IPO13: variants seen among roughly 807,000 people sequenced by gnomAD.
The protein encoded by IPO13 is importin 13, also known as importin-13.
A neutral mutation model predicts 115.5 loss-of-function variants in IPO13; 28 were observed. That is an observed-to-expected ratio of 0.24 (90% CI 0.18 to 0.33). The LOEUF (loss-of-function observed/expected upper bound fraction) is 0.33, where lower values mean the gene tolerates loss of function less well. IPO13 is among the 10% of genes least tolerant of loss of function. The probability of loss-of-function intolerance (pLI) is 1.00; values close to 1 mark genes in which losing one functional copy is unlikely to be tolerated. For missense variants in IPO13, 785 were observed against 1,204.6 expected, an observed-to-expected ratio of 0.65 and a Z score of 5.16; for synonymous variants, 414 against 478.9, an observed-to-expected ratio of 0.86 and a Z score of 1.77.
Position 43,967,705 on chromosome 1 carries a change from C to T in IPO13, c.*23C>T. The T allele has an allele frequency of 2.5e-6, 4 of 1,599,206 alleles. No individual in the cohort carries two copies. The South Asian group carries it at 4.4e-5, about 18-fold the overall frequency. Reference sequence around the variant, plus strand: ...TGAGGGGTGCCCCCATCCCATCCACCCCTTCTCTTCATCCTTCCCTATTCC... The same window carrying T: ...TGAGGGGTGCCCCCATCCCATCCACTCCTTCTCTTCATCCTTCCCTATTCC... On this transcript the variant is annotated 3_prime_UTR_variant, in exon 20 of 20. Transcript: ENST00000372343. The surrounding 1 kb of genome is among the most constrained non-coding windows in gnomAD (Gnocchi z 6.1).
rs369792831 is a variant in IPO13 at position 43,966,993 on chromosome 1, C to T, written c.2587C>T (p.Arg863Cys). Reference sequence around the variant, plus strand: ...GGGAAAGGTGGTACAGGAAGACGGTCGTATGCTGCTCATAGCAGTGCTGGA... The same window carrying T: ...GGGAAAGGTGGTACAGGAAGACGGTTGTATGCTGCTCATAGCAGTGCTGGA... ...SVGKVVQEDGRMLLIAVLEAI... is the reference protein window; with the variant it reads ...SVGKVVQEDGCMLLIAVLEAI... The change falls in exon 18 of 20, where the codon CGT (arginine) becomes TGT (cysteine). Residue 863 changes from arginine to cysteine, a missense_variant. This residue lies in a region of IPO13 where 285 missense variants were observed against 394.8 expected (regional missense o/e 0.72). Transcript: ENST00000372343. The surrounding 1 kb of genome is among the most constrained non-coding windows in gnomAD (Gnocchi z 4.1). 304 of 1,613,642 alleles carry T rather than the reference C, an allele frequency of 1.9e-4. No homozygotes were observed. Among genetic ancestry groups the T allele is most frequent in the South Asian group, 4.3e-4 (39 of 91,038 alleles).
intron 2 of IPO13, among the ~76,000 whole-genome samples, chr1:43,951,373 G>T (rs2085207848): frequency 6.6e-6 from 1 of 152,294 alleles, no homozygotes; most frequent in Non-Finnish European, 1.5e-5. Context: ...GAGTCTGAGG[G>T]CTGTGAAAGG....
At chr1:43,948,088 T>C (rs992638865) in intron 1 of IPO13, among the ~76,000 whole-genome samples, 2 of 152,332 alleles carry the variant, frequency 1.3e-5, no homozygotes, top group Admixed American at 1.3e-4. Flanking sequence ...AGCCAAGGGC[T>C]CAGAAAATAA....
intron 14 of IPO13, 37 bp from the exon 15 acceptor site, chr1:43,964,232 T>C (rs376697960): frequency 8.8e-6 from 13 of 1,477,520 alleles, no homozygotes; most frequent in Non-Finnish European, 9.4e-6. Context: ...GCTGTTTGTA[T>C]AATTTTTTCT....
intron 1 of IPO13, among the ~76,000 whole-genome samples, chr1:43,948,696 G>T (rs1001350474): frequency 2.0e-5 from 3 of 152,204 alleles, no homozygotes; most frequent in Admixed American, 1.3e-4. Flanking sequence ...TGTGCTATTG[G>T]GAGATAAATC....
chr1:43,953,918 G>C (rs747596061), intron 2 of IPO13, among the ~76,000 whole-genome samples: 2 of 152,198 alleles, frequency 1.3e-5, no homozygotes, highest in African/African-American at 2.4e-5. Context: ...TTAAGGGGCA[G>C]TTTCAACCTG....
intron 2 of IPO13, 58 bp downstream of exon 2, chr1:43,950,211 C>T (rs1571761991): frequency 6.5e-7 from 1 of 1,537,302 alleles, no homozygotes; most frequent in East Asian, 2.3e-5. Flanking sequence ...CACATCCATC[C>T]ATCCATCTGT....
Position 43,956,457 on chromosome 1 carries a change from C to T in IPO13, c.959C>T (p.Ser320Phe), listed in dbSNP as rs2085248972. 6.2e-7 allele frequency: 1 copy of T among 1,614,050 alleles called. No individual in the cohort carries two copies. Among genetic ancestry groups the T allele is most frequent in the Non-Finnish European group, 8.5e-7 (1 of 1,180,028 alleles). ...RIAVALGENH[S>F]RALLDQVEHW... Reference sequence around the variant, plus strand: ...GCTGTGGCCCTGGGCGAGAACCACTCCCGGTAAAGGGTGGAGCAGCTTGGG... The same window carrying T: ...GCTGTGGCCCTGGGCGAGAACCACTTCCGGTAAAGGGTGGAGCAGCTTGGG... The change falls in exon 3 of 20, where the codon TCC (serine) becomes TTC (phenylalanine). Residue 320 changes from serine (S) to phenylalanine (F), a missense_variant. Ser to Phe is a radical substitution (Grantham distance 155). Coordinates refer to ENST00000372343, the MANE Select transcript of IPO13 (RefSeq NM_014652.4). The surrounding 1 kb of genome is among the most constrained non-coding windows in gnomAD (Gnocchi z 4.7).
rs906780992 is a variant in IPO13 at position 43,958,542 on chromosome 1, C to T, written c.1831C>T (p.His611Tyr). The change falls in exon 10 of 20, where the codon CAC (histidine) becomes TAC (tyrosine). Residue 611 changes from histidine to tyrosine, a missense_variant. This residue lies in a region of IPO13 where 175 missense variants were observed against 360.0 expected (regional missense o/e 0.49). Coordinates refer to ENST00000372343, the MANE Select transcript of IPO13 (RefSeq NM_014652.4). The surrounding 1 kb of genome is among the most constrained non-coding windows in gnomAD (Gnocchi z 6.3). ...AGTGGAGGAGATCCTTAAGAACCTG[C>T]ACTCGCTTATCTCACCCTATATCCA... ...LQVEEILKNL[H>Y]SLISPYIQQL... 5.0e-6 allele frequency: 8 copies of T among 1,614,140 alleles called. No individual in the cohort carries two copies. The highest frequency in any genetic ancestry group is 1.7e-4 in the Middle Eastern group (1 of 6,056).
At position 43,960,984 on chromosome 1, in the gene IPO13, C is replaced by T; in HGVS notation, c.2218C>T (p.Gln740Ter). ...GGGTCGGATGTACAGCACCATCCCC[C>T]AGGCCTCTGCTCTTGACCTCACTCG... ...MLGRMYSTIP[Q>*]ASALDLTRQL... Residue 740 changes from glutamine to a stop codon, truncating the protein, a stop_gained, in exon 13 of 20, where the codon CAG becomes TAG. Coordinates refer to ENST00000372343, the MANE Select transcript of IPO13 (RefSeq NM_014652.4). LOFTEE classifies it high-confidence loss of function. 1 of 1,614,212 alleles carries T rather than the reference C, an allele frequency of 6.2e-7. No homozygotes were observed. Among genetic ancestry groups the T allele is most frequent in the Non-Finnish European group, 8.5e-7 (1 of 1,180,032 alleles).
rs2085172574 is a variant in IPO13, at chr1:43,947,164, C to T, written c.-437C>T. On this transcript the variant is annotated 5_prime_UTR_variant, in exon 1 of 20. Coordinates refer to ENST00000372343, the MANE Select transcript of IPO13 (RefSeq NM_014652.4). ...TCTCTCTCTCCCGTGACCCTCCAGC[C>T]CCATGACCTGTTCATAGCAGCCGAG... 2.5e-6 allele frequency: 1 copy of T among 398,858 alleles called. No homozygotes were observed. Among genetic ancestry groups the T allele is most frequent in the Non-Finnish European group, 4.4e-6 (1 of 226,318 alleles). 24.7% of individuals were successfully genotyped at this position (398,858 alleles called of 1,614,324 possible).
chr1:43,950,443 T>G (rs1002758938), intron 2 of IPO13, among the ~76,000 whole-genome samples: 2 of 152,202 alleles, frequency 1.3e-5, no homozygotes, highest in African/African-American at 4.8e-5. Context: ...TGCAAATCTA[T>G]TTTTTTCCAT....
At chr1:43,955,214 C>T (rs142698388) in intron 2 of IPO13, among the ~76,000 whole-genome samples, 3 of 152,070 alleles carry the variant, frequency 2.0e-5, no homozygotes, top group Non-Finnish European at 2.9e-5. Flanking sequence ...GAGGGTGGAG[C>T]GGATGGCAGG....
chr1:43,958,673 G>C lies in IPO13; in HGVS notation c.1885-73G>C. ...GGGGTGAGGTTGGAGCTGGCCCTCA[G>C]AGCTGAGGCTCAGTGATCTGGGGAC... On this transcript the variant is annotated intron_variant, in intron 10 of 19. Transcript: ENST00000372343. The surrounding 1 kb of genome is among the most constrained non-coding windows in gnomAD (Gnocchi z 6.3). The C allele has an allele frequency of 6.2e-7, 1 of 1,612,294 alleles. No individual in the cohort carries two copies.
intron 15 of IPO13, among the ~76,000 whole-genome samples, chr1:43,964,601 G>T (rs573249694): frequency 1.3e-5 from 2 of 152,300 alleles, no homozygotes; most frequent in African/African-American, 4.8e-5. Flanking sequence ...GAAAGGGAGG[G>T]GGTGGTGACT....
Position 43,961,018 on chromosome 1 carries a change from G to C in IPO13, c.2247+5G>C, listed in dbSNP as rs2154302334. 1 of 1,614,062 alleles carries C rather than the reference G, an allele frequency of 6.2e-7. No individual in the cohort carries two copies. The highest frequency in any genetic ancestry group is 2.2e-5 in the East Asian group (1 of 44,882). The stretch of plus-strand genomic sequence containing the variant: ...GCTCTTGACCTCACTCGACAGGTGG[G>C]CCTTCTGGTTGGGGCAGAGATCCTG... On this transcript the variant is annotated splice_donor_5th_base_variant and intron_variant, in intron 13 of 19. Coordinates refer to ENST00000372343, the MANE Select transcript of IPO13 (RefSeq NM_014652.4).
At chr1:43,962,450 T>G (rs758634097) in intron 14 of IPO13, among the ~76,000 whole-genome samples, 3 of 152,246 alleles carry the variant, frequency 2.0e-5, no homozygotes, top group Non-Finnish European at 4.4e-5. Flanking sequence ...TGAGCATTTG[T>G]CATCCCGGGC....
Position 43,966,327 on chromosome 1 carries a change from C to T in IPO13, c.2398-248C>T, listed in dbSNP as rs2085324262. 5.2e-6 allele frequency: 3 copies of T among 578,916 alleles called. No homozygotes were observed. The highest frequency in any genetic ancestry group is 4.1e-5 in the South Asian group (2 of 48,746). The allele number at this position is 578,916 out of a possible 1,614,324, so 35.9% of individuals were successfully genotyped here. On this transcript the variant is annotated intron_variant, in intron 15 of 19. Coordinates refer to ENST00000372343, the MANE Select transcript of IPO13 (RefSeq NM_014652.4). The surrounding 1 kb of genome is among the most constrained non-coding windows in gnomAD (Gnocchi z 4.1). ...CCCAAACTTTCTGCATTATGATCCC[C>T]ACCCCCAACCTCTCTCACGTACACC...
At chr1:43,960,417 A>G (rs1012005823) in intron 12 of IPO13, 88 bp downstream of exon 12, 19 of 1,242,844 alleles carry the variant, frequency 1.5e-5, no homozygotes, top group Non-Finnish European at 2.1e-5. Flanking sequence ...TCAGCTTACA[A>G]TGGTTTGGAG....
Sources: allele counts gnomAD v4.1 joint callset (sites outside exome capture counted in the v4.1 genomes callset), GRCh38; gene constraint gnomAD v4.1.1; regional missense constraint gnomAD v4.1.1; non-coding constraint Gnocchi (gnomAD v3.1); transcripts MANE v1.5; gene names NCBI Gene and HGNC (gene_info 2026-07-23, HGNC 2026-07-21).